The following ZNF415 variants were observed in gnomAD, a reference collection of about 807,000 sequenced individuals.
The protein encoded by ZNF415 is zinc finger protein 415.
In ZNF415, 5 loss-of-function variants were observed where a neutral mutation model predicts 7.3. That is an observed-to-expected ratio of 0.69 (90% CI 0.36 to 1.44). ZNF415 has a LOEUF of 1.44. Among genes scored for constraint, ZNF415 ranks in the 40% most tolerant of loss-of-function variants. The pLI, the probability that ZNF415 is intolerant of heterozygous loss-of-function variation, is 0.04. For missense variants in ZNF415, 628 were observed against 664.8 expected, an observed-to-expected ratio of 0.94 and a Z score of 0.61; for synonymous variants, 207 against 226.3, an observed-to-expected ratio of 0.91 and a Z score of 0.77.
In ZNF415 at chr19:53,109,500, G is replaced by A; in HGVS notation, c.545C>T (p.Ser182Phe). Residue 182 changes from serine (S) to phenylalanine (F), a missense_variant, in exon 4 of 4, where the codon TCT becomes TTT. Transcript: ENST00000243643. ...GSSVSPPQIISSTIKTHVSNK... is the reference protein window; with the variant it reads ...GSSVSPPQIIFSTIKTHVSNK... The stretch of plus-strand genomic sequence containing the variant: ...AGAAACATGGGTTTTGATGGTAGAA[G>A]AAATTATTTGGGGTGGTGAAACTGA... 6 of 1,614,066 alleles carry A rather than the reference G, an allele frequency of 3.7e-6. No individual in the cohort carries two copies. Among genetic ancestry groups the A allele is most frequent in the Non-Finnish European group, 5.1e-6 (6 of 1,179,956 alleles).
intron 3 of ZNF415, 122 bp from the exon 4 acceptor site, chr19:53,110,030 A>G: frequency 1.4e-6 from 1 of 730,486 alleles, no homozygotes; most frequent in Non-Finnish European, 2.1e-6. Context: ...AAAACTTCCC[A>G]ATCATGATCT....
intron 2 of ZNF415, among the ~76,000 whole-genome samples, 176 bp from the exon 3 acceptor site, chr19:53,116,609 C>CTTTTTTTTTTTTTTTTTTTTTTTTTTTT (rs1410295819): frequency 1.2e-5 from 1 of 81,118 alleles, no homozygotes; most frequent in African/African-American, 5.0e-5. Context: ...GGTTTTTTTT[C>CTTTTTTTTTTTTTTTTTTTTTTTTTTTT]TCTCTTTTTT....
chr19:53,109,399 A>T lies in ZNF415; in HGVS notation c.646T>A (p.Tyr216Asn). The change falls in exon 4 of 4, where the codon TAC (tyrosine) becomes AAC (asparagine). Residue 216 changes from tyrosine to asparagine, a missense_variant. Physicochemically the swap from Tyr to Asn is moderately radical, Grantham distance 143. Transcript: ENST00000243643. ...EQKSCIREKP[Y>N]RYIECDKALN... ...GCTTTGTCGCACTCAATATATCTGTAAGGTTTTTCCCTAATGCATGATTTC... is the reference window on the plus strand; with the variant it reads ...GCTTTGTCGCACTCAATATATCTGTTAGGTTTTTCCCTAATGCATGATTTC... The T allele has an allele frequency of 1.9e-6, 3 of 1,614,138 alleles. No individual in the cohort carries two copies. Among genetic ancestry groups the T allele is most frequent in the Non-Finnish European group, 2.5e-6 (3 of 1,179,980 alleles).
chr19:53,121,100 A>G (rs2087949150), intron 2 of ZNF415, among the ~76,000 whole-genome samples: 1 of 139,308 alleles, frequency 7.2e-6, no homozygotes, highest in Non-Finnish European at 1.5e-5. Context: ...AAAAAAAAAA[A>G]AAGTCCTACA....
chr19:53,108,957 T>G lies in ZNF415; in HGVS notation c.1088A>C (p.Lys363Thr). The G allele has an allele frequency of 6.2e-7, 1 of 1,614,164 alleles. No homozygotes were observed. The highest frequency in any genetic ancestry group is 8.5e-7 in the Non-Finnish European group (1 of 1,180,024). Residue 363 changes from lysine (K) to threonine (T), a missense_variant, in exon 4 of 4, where the codon AAG becomes ACG. Transcript: ENST00000243643. ...KKPYKCNECG[K>T]VFSQTSSLAT... Reference sequence around the variant, plus strand: ...AAGGCTTGAAGTCTGACTGAACACCTTGCCACATTCATTGCATTTGTAAGG... The same window carrying G: ...AAGGCTTGAAGTCTGACTGAACACCGTGCCACATTCATTGCATTTGTAAGG...
At chr19:53,125,169 G>A (rs751007668) in intron 1 of ZNF415, among the ~76,000 whole-genome samples, 8 of 151,850 alleles carry the variant, frequency 5.3e-5, no homozygotes, top group South Asian at 2.1e-4. Flanking sequence ...TCAGCCTCCC[G>A]AGTAGCTGGG....
chr19:53,116,180 TG>T, intron 3 of ZNF415, 132 bp downstream of exon 3: 1 of 1,061,128 alleles, frequency 9.4e-7, no homozygotes, highest in Non-Finnish European at 1.4e-6. Context: ...GTTCACATTA[TG>T]GAGCTTTTCA....
chr19:53,110,544 T>C (rs1466070660), intron 3 of ZNF415, among the ~76,000 whole-genome samples: 1 of 152,176 alleles, frequency 6.6e-6, no homozygotes, highest in East Asian at 1.9e-4. Context: ...ATGTCAGTTA[T>C]ATTGCATGAA....
intron 3 of ZNF415, 23 bp from the exon 4 acceptor site, chr19:53,109,931 G>T: frequency 6.6e-7 from 1 of 1,521,358 alleles, no homozygotes; most frequent in Non-Finnish European, 8.8e-7. Flanking sequence ...AAAACCATAG[G>T]TTTCCAATTA....
At chr19:53,127,225 G>C (rs28684577) in intron 1 of ZNF415, among the ~76,000 whole-genome samples, 1 of 151,342 alleles carries the variant, frequency 6.6e-6, no homozygotes, top group African/African-American at 2.4e-5. Flanking sequence ...CTGATTCTTA[G>C]GATCCCCGTT....
At chr19:53,121,351 C>T (rs1007632401) in intron 2 of ZNF415, among the ~76,000 whole-genome samples, 4 of 149,684 alleles carry the variant, frequency 2.7e-5, no homozygotes, top group Non-Finnish European at 5.9e-5. Flanking sequence ...AGCCACTGCA[C>T]TCCAGCATGG....
chr19:53,109,611 G>A lies in ZNF415; in HGVS notation c.434C>T (p.Pro145Leu). The change falls in exon 4 of 4, where the codon CCA becomes CTA. Residue 145 changes from proline to leucine, a missense_variant. Transcript: ENST00000243643. ...AAACTGCTGCAGTTCATGGGGATGT[G>A]GTAGAAAGCTTAATCCAAGCTGATG... ...IKHQLGLSFL[P>L]HPHELQQFQA... 1 of 1,614,096 alleles carries A rather than the reference G, an allele frequency of 6.2e-7. No homozygotes were observed. Among genetic ancestry groups the A allele is most frequent in the Non-Finnish European group, 8.5e-7 (1 of 1,180,004 alleles).
chr19:53,118,290 G>A (rs1473190500), intron 2 of ZNF415, among the ~76,000 whole-genome samples: 4 of 152,116 alleles, frequency 2.6e-5, no homozygotes, highest in African/African-American at 9.7e-5. Context: ...ACCCAACACT[G>A]GAGCATCCAG....
At chr19:53,110,008 C>T (rs1019917727) in intron 3 of ZNF415, 100 bp from the exon 4 acceptor site, 4 of 937,176 alleles carry the variant, frequency 4.3e-6, no homozygotes, top group Non-Finnish European at 6.1e-6. Context: ...CATTTATATA[C>T]AACAGAGTTA....
chr19:53,127,646 A>C (rs1382161262), intron 1 of ZNF415, among the ~76,000 whole-genome samples: 1 of 152,190 alleles, frequency 6.6e-6, no homozygotes, highest in East Asian at 1.9e-4. Flanking sequence ...TAGGAGGCTG[A>C]GGCAGGCAGA....
At chr19:53,128,095 C>T (rs999094219) in intron 1 of ZNF415, among the ~76,000 whole-genome samples, 1 of 151,960 alleles carries the variant, frequency 6.6e-6, no homozygotes, top group African/African-American at 2.4e-5. Context: ...GCTTCCATGC[C>T]CCTATGTGAC....
At chr19:53,122,808 C>A in intron 1 of ZNF415, 65 bp from the exon 2 acceptor site, 2 of 1,232,230 alleles carry the variant, frequency 1.6e-6, no homozygotes, top group South Asian at 1.3e-5. Flanking sequence ...GTGTGACAAG[C>A]ACACACATAC....
intron 1 of ZNF415, among the ~76,000 whole-genome samples, chr19:53,123,056 T>G (rs2088402499): frequency 6.6e-6 from 1 of 152,180 alleles, no homozygotes; most frequent in East Asian, 1.9e-4. Flanking sequence ...GATCCCAGGC[T>G]GGGCTCAGCC....
At chr19:53,128,198 G>C (rs2089519765) in intron 1 of ZNF415, among the ~76,000 whole-genome samples, 1 of 151,282 alleles carries the variant, frequency 6.6e-6, no homozygotes, top group African/African-American at 2.4e-5. Context: ...AGGGCCTCTG[G>C]ACAAAAGCAG....
Sources: allele counts gnomAD v4.1 joint callset (sites outside exome capture counted in the v4.1 genomes callset), GRCh38; gene constraint gnomAD v4.1.1; transcripts MANE v1.5; gene names NCBI Gene and HGNC (gene_info 2026-07-23, HGNC 2026-07-21).